Variants in GABRG3 observed in about 807,000 individuals in gnomAD.
GABRG3 encodes gamma-aminobutyric acid type A receptor subunit gamma3, also known as gamma-aminobutyric acid receptor subunit gamma-3.
GABRG3 carries 25 observed loss-of-function variants against 48.8 expected under a neutral mutation model. The ratio of observed to expected loss-of-function variants is 0.51; its 90% CI spans 0.37 to 0.72. The LOEUF (loss-of-function observed/expected upper bound fraction) is 0.72. GABRG3 is among the 30% of genes least tolerant of loss of function. GABRG3 has a pLI of 0.00. For missense variants in GABRG3, 394 were observed against 577.9 expected (o/e 0.68, Z 3.26); for synonymous variants, 227 against 217.6 (o/e 1.04, Z -0.38).
chr15:26,993,549 T>A (rs542969304), intron 2 of GABRG3, among the ~76,000 whole-genome samples: 110 of 152,244 alleles, frequency 7.2e-4, no homozygotes, highest in African/African-American at 2.5e-3. Context: ...TTTATTTCAT[T>A]GCAGTTAGAA....
intron 3 of GABRG3, among the ~76,000 whole-genome samples, chr15:27,316,113 G>A (rs988120102): frequency 2.0e-5 from 3 of 152,042 alleles, no homozygotes; most frequent in Non-Finnish European, 2.9e-5. Flanking sequence ...GGCCGGGCGC[G>A]GTGGCTCACG....
At chr15:27,022,266 A>G (rs1895909381) in intron 2 of GABRG3, among the ~76,000 whole-genome samples, 1 of 152,228 alleles carries the variant, frequency 6.6e-6, no homozygotes, top group African/African-American at 2.4e-5. Context: ...TGGAAAAGTT[A>G]GGAGAACATC....
At chr15:27,360,701 G>A (rs181464932) in intron 5 of GABRG3, among the ~76,000 whole-genome samples, 45 of 152,242 alleles carry the variant, frequency 3.0e-4, no homozygotes, top group African/African-American at 9.9e-4. Flanking sequence ...CTCTACATAA[G>A]ATCTGCAAGG....
chr15:27,515,416 G>GT (rs1890996180), intron 6 of GABRG3, among the ~76,000 whole-genome samples: 1 of 152,096 alleles, frequency 6.6e-6, no homozygotes, highest in South Asian at 2.1e-4. Flanking sequence ...ATAAACAAAT[G>GT]TAATAAAGAG....
intron 3 of GABRG3, among the ~76,000 whole-genome samples, chr15:27,043,437 T>C (rs1471215763): frequency 1.3e-5 from 2 of 152,186 alleles, no homozygotes; most frequent in Non-Finnish European, 2.9e-5. Flanking sequence ...ACAGGCATTT[T>C]CCAAGGCAGA....
At chr15:27,244,463 A>C (rs879816900) in intron 3 of GABRG3, among the ~76,000 whole-genome samples, 1 of 152,224 alleles carries the variant, frequency 6.6e-6, no homozygotes, top group Non-Finnish European at 1.5e-5. Context: ...AACAGAGAAC[A>C]TATCATGCCC....
chr15:27,107,114 A>G (rs1256412051), intron 3 of GABRG3, among the ~76,000 whole-genome samples: 3 of 152,054 alleles, frequency 2.0e-5, no homozygotes, highest in Non-Finnish European at 4.4e-5. Context: ...AAAGCTTTCA[A>G]TCTCTTACCA....
chr15:27,026,361 G>C (rs554598236), intron 2 of GABRG3, among the ~76,000 whole-genome samples: 4 of 152,170 alleles, frequency 2.6e-5, no homozygotes, highest in African/African-American at 7.2e-5. Context: ...CTCCTCTCTT[G>C]TGTTGAGTTT....
chr15:27,019,446 G>C (rs563519137), intron 2 of GABRG3, among the ~76,000 whole-genome samples: 1 of 152,146 alleles, frequency 6.6e-6, no homozygotes, highest in Admixed American at 6.5e-5. Context: ...CTCTGCTTTG[G>C]TGAAGCTGCA....
intron 3 of GABRG3, among the ~76,000 whole-genome samples, chr15:27,108,844 T>A (rs927094071): frequency 4.0e-5 from 6 of 151,830 alleles, no homozygotes; most frequent in Non-Finnish European, 8.8e-5. Context: ...TTTCTAATAA[T>A]TTTTTTTGTT....
chr15:27,438,219 G>T (rs2140629639), intron 5 of GABRG3, among the ~76,000 whole-genome samples: 1 of 152,224 alleles, frequency 6.6e-6, no homozygotes, highest in East Asian at 1.9e-4. Context: ...AAAATAGCGT[G>T]GGATTATTTA....
chr15:27,218,809 C>T (rs1215980640), intron 3 of GABRG3, among the ~76,000 whole-genome samples: 1 of 152,170 alleles, frequency 6.6e-6, no homozygotes, highest in African/African-American at 2.4e-5. Flanking sequence ...GTGACCGTGG[C>T]CAGGTCACCT....
At chr15:27,241,451 G>A (rs768311165) in intron 3 of GABRG3, among the ~76,000 whole-genome samples, 15 of 152,164 alleles carry the variant, frequency 9.9e-5, no homozygotes, top group Admixed American at 2.0e-4. Flanking sequence ...CTTATTTTGG[G>A]TAAAAGAGTG....
intron 3 of GABRG3, among the ~76,000 whole-genome samples, chr15:27,153,809 TATTA>T (rs1297726610): frequency 3.3e-5 from 5 of 152,196 alleles, no homozygotes; most frequent in Non-Finnish European, 5.9e-5. Flanking sequence ...GAGTCCCTTA[TATTA>T]ATTGTAGCTA....
intron 3 of GABRG3, among the ~76,000 whole-genome samples, chr15:27,053,222 G>T (rs1341635711): frequency 6.6e-6 from 1 of 152,172 alleles, no homozygotes; most frequent in Non-Finnish European, 1.5e-5. Context: ...CCCACAGAAT[G>T]GGAGAAAATA....
At chr15:27,309,024 G>A (rs1259006684) in intron 3 of GABRG3, among the ~76,000 whole-genome samples, 1 of 149,462 alleles carries the variant, frequency 6.7e-6, no homozygotes, top group Non-Finnish European at 1.5e-5. Flanking sequence ...TGTTTATATA[G>A]AAACATAATG....
chr15:27,524,144 A>G (rs3101641), intron 7 of GABRG3, among the ~76,000 whole-genome samples: 94,234 of 151,164 alleles, frequency 0.62, 30,498 homozygotes, highest in African/African-American at 0.81. Flanking sequence ...AAGAAATGTC[A>G]CCTTGCCTAT....
intron 3 of GABRG3, among the ~76,000 whole-genome samples, chr15:27,263,639 T>C (rs1372836617): frequency 2.0e-5 from 3 of 152,194 alleles, no homozygotes; most frequent in Non-Finnish European, 2.9e-5. Context: ...GCCTGACTCA[T>C]CTCTGCAAAG....
chr15:27,315,851 T>C (rs1317115798), intron 3 of GABRG3, among the ~76,000 whole-genome samples: 1 of 152,232 alleles, frequency 6.6e-6, no homozygotes, highest in Non-Finnish European at 1.5e-5. Flanking sequence ...TACTTCTGTT[T>C]TTGATGTTCA....
Sources: allele counts gnomAD v4.1 joint callset (sites outside exome capture counted in the v4.1 genomes callset), GRCh38; gene constraint gnomAD v4.1.1; transcripts MANE v1.5; gene names NCBI Gene and HGNC (gene_info 2026-07-23, HGNC 2026-07-21).